Variants in GALNTL6 observed in about 807,000 individuals in gnomAD.
GALNTL6 encodes the protein polypeptide N-acetylgalactosaminyltransferase like 6.
GALNTL6 carries 46 observed loss-of-function variants against 73.7 expected under a neutral mutation model. The observed-to-expected ratio is 0.62, with a 90% CI of 0.49 to 0.80. The LOEUF is 0.80. Ranked by LOEUF, GALNTL6 falls within the 30% of genes least tolerant of loss-of-function variation. The probability of loss-of-function intolerance (pLI) is 0.00; values close to 1 mark genes in which losing one functional copy is unlikely to be tolerated. For missense variants in GALNTL6, 604 were observed against 755.0 expected, an observed-to-expected ratio of 0.80 and a Z score of 2.34; for synonymous variants, 259 against 263.7, an observed-to-expected ratio of 0.98 and a Z score of 0.17.
At chr4:173,012,483 C>CTT (rs1752599462) in intron 11 of GALNTL6, among the ~76,000 whole-genome samples, 1 of 152,210 alleles carries the variant, frequency 6.6e-6, no homozygotes, top group Admixed American at 6.5e-5. Flanking sequence ...CTGATCCAAT[C>CTT]TTTGAACCCT....
intron 7 of GALNTL6, among the ~76,000 whole-genome samples, chr4:172,823,482 A>G (rs1742056511): frequency 6.6e-6 from 1 of 152,228 alleles, no homozygotes. Context: ...TATTTATTGA[A>G]TGGATGAAAT....
At chr4:172,919,827 G>T (rs1468986649) in intron 8 of GALNTL6, among the ~76,000 whole-genome samples, 3 of 152,226 alleles carry the variant, frequency 2.0e-5, no homozygotes, top group Non-Finnish European at 1.5e-5. Context: ...CTCTTCAGAT[G>T]TTCAAATCCA....
At chr4:172,881,924 C>T (rs1035491586) in intron 7 of GALNTL6, among the ~76,000 whole-genome samples, 6 of 151,840 alleles carry the variant, frequency 4.0e-5, no homozygotes, top group South Asian at 2.1e-4. Flanking sequence ...TTCCTCAAAC[C>T]GTGTGCATAG....
intron 2 of GALNTL6, among the ~76,000 whole-genome samples, chr4:171,993,576 A>G (rs1173566239): frequency 6.6e-6 from 1 of 152,142 alleles, no homozygotes; most frequent in Non-Finnish European, 1.5e-5. Context: ...ATTTAGCCAA[A>G]TGATGAATTC....
intron 7 of GALNTL6, among the ~76,000 whole-genome samples, chr4:172,861,517 G>A (rs1744393760): frequency 6.6e-6 from 1 of 152,166 alleles, no homozygotes; most frequent in Admixed American, 6.6e-5. Flanking sequence ...TAATCAAGGT[G>A]GAGATTACAT....
chr4:172,952,463 A>G (rs1749500377), intron 10 of GALNTL6, among the ~76,000 whole-genome samples: 1 of 152,022 alleles, frequency 6.6e-6, no homozygotes, highest in East Asian at 1.9e-4. Flanking sequence ...CCTAACCCAG[A>G]ATTAGTGACC....
At chr4:172,546,110 G>A (rs558042455) in intron 5 of GALNTL6, among the ~76,000 whole-genome samples, 1 of 152,208 alleles carries the variant, frequency 6.6e-6, no homozygotes, top group Non-Finnish European at 1.5e-5. Context: ...GGGGAAAGAG[G>A]TATAGTCTGC....
At chr4:171,950,398 A>C (rs1008782190) in intron 2 of GALNTL6, among the ~76,000 whole-genome samples, 3 of 152,174 alleles carry the variant, frequency 2.0e-5, no homozygotes, top group African/African-American at 7.2e-5. Context: ...ATAAATCAAC[A>C]ATAGGATGAA....
intron 2 of GALNTL6, among the ~76,000 whole-genome samples, chr4:171,978,048 A>C (rs1043488460): frequency 6.6e-6 from 1 of 151,944 alleles, no homozygotes; most frequent in Non-Finnish European, 1.5e-5. Flanking sequence ...AATGGCAAAA[A>C]CCGCCATTAC....
At chr4:171,847,343 C>T (rs563236317) in intron 2 of GALNTL6, among the ~76,000 whole-genome samples, 22 of 152,186 alleles carry the variant, frequency 1.4e-4, no homozygotes, top group African/African-American at 3.6e-4. Flanking sequence ...AAAATGTTTA[C>T]GAGCCTCCAG....
intron 2 of GALNTL6, among the ~76,000 whole-genome samples, chr4:172,136,898 T>A (rs1733651366): frequency 6.6e-6 from 1 of 152,014 alleles, no homozygotes; most frequent in South Asian, 2.1e-4. Flanking sequence ...CCCATAGCAA[T>A]TAAAAGTAAA....
intron 2 of GALNTL6, among the ~76,000 whole-genome samples, chr4:171,988,408 C>T (rs1435745979): frequency 6.6e-6 from 1 of 152,142 alleles, no homozygotes; most frequent in Non-Finnish European, 1.5e-5. Context: ...TGCGGCAGTA[C>T]AGCCCAGGTA....
At chr4:172,893,099 CCAG>C (rs1746127481) in intron 8 of GALNTL6, among the ~76,000 whole-genome samples, 1 of 152,186 alleles carries the variant, frequency 6.6e-6, no homozygotes, top group Non-Finnish European at 1.5e-5. Flanking sequence ...CTTACCCAAC[CCAG>C]TAAGTCTTTC....
chr4:172,739,685 A>G (rs966688527), intron 5 of GALNTL6, among the ~76,000 whole-genome samples: 2 of 152,168 alleles, frequency 1.3e-5, no homozygotes, highest in African/African-American at 2.4e-5. Context: ...TCCATTTTAG[A>G]TCTGCCATCT....
At chr4:172,054,003 A>T (rs1232585387) in intron 2 of GALNTL6, among the ~76,000 whole-genome samples, 1 of 152,122 alleles carries the variant, frequency 6.6e-6, no homozygotes, top group Non-Finnish European at 1.5e-5. Flanking sequence ...AGAATATTCT[A>T]AAATATTTTC....
intron 5 of GALNTL6, among the ~76,000 whole-genome samples, chr4:172,614,252 G>A (rs1401555406): frequency 6.6e-6 from 1 of 152,000 alleles, no homozygotes; most frequent in Non-Finnish European, 1.5e-5. Flanking sequence ...TCAATAAAAT[G>A]GCCTATAGAA....
chr4:172,328,580 T>C (rs190947872), intron 4 of GALNTL6, among the ~76,000 whole-genome samples: 190 of 152,292 alleles, frequency 1.2e-3, no homozygotes, highest in Non-Finnish European at 2.3e-3. Flanking sequence ...GGAGGTTTTG[T>C]TTATTCCTTT....
chr4:172,243,962 C>A (rs568105409), intron 3 of GALNTL6, among the ~76,000 whole-genome samples: 114 of 152,118 alleles, frequency 7.5e-4, no homozygotes, highest in Middle Eastern at 3.4e-3. Context: ...TTTATTGAAG[C>A]CTCATGTCTC....
chr4:172,706,633 A>G (rs1734372091), intron 5 of GALNTL6, among the ~76,000 whole-genome samples: 1 of 152,158 alleles, frequency 6.6e-6, no homozygotes, highest in South Asian at 2.1e-4. Flanking sequence ...CCTTTAGCCC[A>G]AGACCACTGC....
Sources: gnomAD v4.1 joint callset for allele counts (sites outside exome capture counted in the v4.1 genomes callset) on GRCh38, gnomAD v4.1.1 for gene constraint, MANE v1.5 for transcripts, NCBI Gene and HGNC (gene_info 2026-07-23, HGNC 2026-07-21) for gene names.